SMIM8: variants seen among roughly 807,000 people sequenced by gnomAD.
SMIM8 encodes the protein UPF0708 protein C6orf162.
A neutral mutation model predicts 8.1 loss-of-function variants in SMIM8; 8 were observed. That is an observed-to-expected ratio of 0.99 (90% CI 0.58 to 1.78). The LOEUF (loss-of-function observed/expected upper bound fraction) is 1.78. Ranked by LOEUF, SMIM8 falls within the 40% of genes most tolerant of loss-of-function variation. The pLI is 0.00. For synonymous variants in SMIM8, 45 were observed against 39.7 expected (o/e 1.13, Z -0.50); for missense variants, 126 against 119.8 (o/e 1.05, Z -0.24).
In SMIM8 at chr6:87,341,004, A is replaced by G. The variant is rs983527874; in HGVS notation, c.*730A>G. 3 of 294,436 alleles carry G rather than the reference A, an allele frequency of 1.0e-5. No individual in the cohort carries two copies. Among genetic ancestry groups the G allele is most frequent in the African/African-American group, 2.2e-5 (1 of 45,916 alleles). 18.2% of individuals were successfully genotyped at this position (294,436 alleles called of 1,614,324 possible). ...TTTTGACTACAACTAAATGTTATCT[A>G]TTTTAGTGTTTATGTTAATTAATGT... On this transcript the variant is annotated 3_prime_UTR_variant, in exon 4 of 4. Coordinates refer to ENST00000392863, the MANE Select transcript of SMIM8 (RefSeq NM_001042493.3).
chr6:87,326,976 G>T (rs1167244174), intron 1 of SMIM8, among the ~76,000 whole-genome samples: 13 of 118,842 alleles, frequency 1.1e-4, no homozygotes, highest in African/African-American at 4.2e-4. Flanking sequence ...ATATATTTAG[G>T]ATAGTTAGCT....
intron 1 of SMIM8, chr6:87,323,143 A>G (rs1419074665): frequency 6.6e-6 from 1 of 152,246 alleles, no homozygotes; most frequent in Non-Finnish European, 1.5e-5. Flanking sequence ...ACAGTAGTCC[A>G]TGACATTGGG....
intron 1 of SMIM8, among the ~76,000 whole-genome samples, chr6:87,326,563 G>A (rs962694166): frequency 6.6e-6 from 1 of 150,572 alleles, no homozygotes; most frequent in African/African-American, 2.5e-5. Context: ...CAGTTTCCAT[G>A]TAGTTGAGTG....
At chr6:87,339,325 CGTGTGTGTGTGTGTGTGTGTGTGTGT>C (rs59321615) in intron 3 of SMIM8, among the ~76,000 whole-genome samples, 7 of 124,086 alleles carry the variant, frequency 5.6e-5, no homozygotes, top group Admixed American at 2.5e-4. Flanking sequence ...CAAAACACAG[CGTGTGTGTGTGTGTGTGTGTGTGTGT>C]GTGTGTGTGT....
intron 2 of SMIM8, 43 bp from the exon 3 acceptor site, chr6:87,336,965 GA>G (rs1777125767): frequency 6.9e-7 from 1 of 1,441,826 alleles, no homozygotes; most frequent in Non-Finnish European, 9.2e-7. Flanking sequence ...ATTTATCAGA[GA>G]AGCACAATTA....
chr6:87,341,468 G>T lies in SMIM8; in HGVS notation c.*1194G>T. 3 of 393,952 alleles carry T rather than the reference G, an allele frequency of 7.6e-6. No individual in the cohort carries two copies. Among genetic ancestry groups the T allele is most frequent in the Non-Finnish European group, 1.3e-5 (3 of 223,728 alleles). 24.4% of individuals were successfully genotyped at this position (393,952 alleles called of 1,614,324 possible). On this transcript the variant is annotated 3_prime_UTR_variant, in exon 4 of 4. Coordinates refer to ENST00000392863, the MANE Select transcript of SMIM8 (RefSeq NM_001042493.3). ...ATAGAATTCAAATCTTTCTTACAAG[G>T]GTTCTGGACCCGTTTCATTTCTAGA...
At chr6:87,324,680 G>GTA (rs1776771079) in intron 1 of SMIM8, among the ~76,000 whole-genome samples, 1 of 151,256 alleles carries the variant, frequency 6.6e-6, no homozygotes, top group Non-Finnish European at 1.5e-5. Flanking sequence ...TAGCCTTGTA[G>GTA]TATACTTTGA....
intron 3 of SMIM8, among the ~76,000 whole-genome samples, chr6:87,339,548 A>G (rs1178463453): frequency 6.6e-6 from 1 of 152,094 alleles, no homozygotes; most frequent in Non-Finnish European, 1.5e-5. Flanking sequence ...AGCTGTTCCC[A>G]TCACTAAATT....
intron 1 of SMIM8, among the ~76,000 whole-genome samples, chr6:87,324,928 T>G (rs1471448430): frequency 1.3e-5 from 2 of 152,206 alleles, no homozygotes; most frequent in Admixed American, 1.3e-4. Context: ...CATTTGTTTG[T>G]ATCCTCTTTT....
At position 87,340,124 on chromosome 6, in the gene SMIM8, T is replaced by C. The variant is rs199617569; in HGVS notation, c.144T>C (p.Pro48=). 10 of 1,571,638 alleles carry C rather than the reference T, an allele frequency of 6.4e-6. No homozygotes were observed. Among genetic ancestry groups the C allele is most frequent in the Non-Finnish European group, 8.6e-6 (10 of 1,164,006 alleles). ...NPELFIKPNK[P]VMAFGLVTLS... ...TTTTTTTTCTTTGACAGAACAAACC[T>C]GTAATGGCTTTCGGATTGGTAACTC... Residue 48 remains proline, a synonymous_variant, in exon 4 of 4, where the codon CCT becomes CCC. Coordinates refer to ENST00000392863, the MANE Select transcript of SMIM8 (RefSeq NM_001042493.3).
chr6:87,338,069 A>C (rs553652256), intron 3 of SMIM8, among the ~76,000 whole-genome samples: 2 of 152,376 alleles, frequency 1.3e-5, no homozygotes, highest in South Asian at 2.1e-4. Context: ...TTTAAAGTTA[A>C]ATAGATCAAC....
intron 2 of SMIM8, among the ~76,000 whole-genome samples, chr6:87,336,669 G>A (rs1323003523): frequency 1.3e-5 from 2 of 152,058 alleles, no homozygotes; most frequent in Admixed American, 6.6e-5. Flanking sequence ...GGAAAGGAAC[G>A]GATAACCTAC....
At chr6:87,335,454 G>C (rs550472483) in intron 2 of SMIM8, among the ~76,000 whole-genome samples, 1 of 152,300 alleles carries the variant, frequency 6.6e-6, no homozygotes, top group Admixed American at 6.5e-5. Flanking sequence ...TGAGGAATAA[G>C]TGATGGAACC....
chr6:87,325,886 C>T (rs1341241978), intron 1 of SMIM8, among the ~76,000 whole-genome samples: 1 of 152,200 alleles, frequency 6.6e-6, no homozygotes, highest in Admixed American at 6.5e-5. Flanking sequence ...GCTGTGAAGC[C>T]ATCTGCTCCT....
intron 3 of SMIM8, 124 bp from the exon 4 acceptor site, chr6:87,339,992 T>C: frequency 1.5e-6 from 1 of 646,516 alleles, no homozygotes; most frequent in Non-Finnish European, 2.5e-6. Context: ...AATTGAAATA[T>C]TGCCATGGTA....
At chr6:87,328,563 C>CG (rs1454358863) in intron 1 of SMIM8, among the ~76,000 whole-genome samples, 5 of 151,948 alleles carry the variant, frequency 3.3e-5, no homozygotes, top group Non-Finnish European at 7.3e-5. Context: ...TTAGGCTGCT[C>CG]GGGGGTCAGG....
At chr6:87,336,970 A>C in intron 2 of SMIM8, 39 bp from the exon 3 acceptor site, 1 of 1,468,142 alleles carries the variant, frequency 6.8e-7, no homozygotes, top group Non-Finnish European at 9.1e-7. Flanking sequence ...TCAGAGAAGC[A>C]CAATTATGAA....
At chr6:87,325,045 G>A (rs372442785) in intron 1 of SMIM8, among the ~76,000 whole-genome samples, 1 of 152,018 alleles carries the variant, frequency 6.6e-6, no homozygotes. Context: ...GTGAATGGGA[G>A]TTCACTCATG....
intron 2 of SMIM8, among the ~76,000 whole-genome samples, chr6:87,333,525 G>A (rs1338110260): frequency 6.6e-6 from 1 of 152,122 alleles, no homozygotes; most frequent in Non-Finnish European, 1.5e-5. Flanking sequence ...AAACACCATC[G>A]TGGCTAAGAG....
Sources: allele counts gnomAD v4.1 joint callset (sites outside exome capture counted in the v4.1 genomes callset), GRCh38; gene constraint gnomAD v4.1.1; transcripts MANE v1.5; gene names NCBI Gene and HGNC (gene_info 2026-07-23, HGNC 2026-07-21).